Variants in DNAJA3 observed in about 807,000 individuals in gnomAD.
DNAJA3 encodes the protein DnaJ heat shock protein family (Hsp40) member A3.
Under a neutral mutation model 54.9 loss-of-function variants are expected in DNAJA3, and 29 were observed. The observed-to-expected ratio is 0.53, with a 90% CI of 0.39 to 0.72. The LOEUF (loss-of-function observed/expected upper bound fraction) is 0.72. Among genes scored for constraint, DNAJA3 ranks in the 30% least tolerant of loss-of-function variants. The pLI, the probability that DNAJA3 is intolerant of heterozygous loss-of-function variation, is 0.00. For synonymous variants in DNAJA3, 302 were observed against 251.4 expected, an observed-to-expected ratio of 1.20 and a Z score of -1.90; for missense variants, 708 against 639.4, an observed-to-expected ratio of 1.11 and a Z score of -1.16.
chr16:4,438,532 T>C (rs2056800157), intron 3 of DNAJA3, among the ~76,000 whole-genome samples: 2 of 152,058 alleles, frequency 1.3e-5, no homozygotes, highest in Non-Finnish European at 2.9e-5. Flanking sequence ...AGAATGTCAA[T>C]GTAATCAGAG....
chr16:4,442,294 A>C lies in DNAJA3; in HGVS notation c.657A>C (p.Gln219His), dbSNP rs554003684. Reference protein sequence around the residue: ...QEYFMELTFNQAAKGVNKEFT... With the variant: ...QEYFMELTFNHAAKGVNKEFT... ...ACTTCATGGAGTTGACATTCAATCA[A>C]GCTGCAAAGGGGGTCAACAAGGAGT... Residue 219 changes from glutamine to histidine, a missense_variant, in exon 5 of 12, where the codon CAA becomes CAC. Coordinates refer to ENST00000262375, the MANE Select transcript of DNAJA3 (RefSeq NM_005147.6). 3.1e-6 allele frequency: 5 copies of C among 1,598,846 alleles called. No individual in the cohort carries two copies. The South Asian group carries it at 3.4e-5, about 11-fold the overall frequency.
chr16:4,444,861 G>A, intron 7 of DNAJA3, 133 bp downstream of exon 7: 2 of 763,084 alleles, frequency 2.6e-6, no homozygotes, highest in Non-Finnish European at 4.3e-6. Context: ...GGGCACAGTG[G>A]CCACCTAGAT....
Position 4,455,589 on chromosome 16 carries a change from C to G in DNAJA3, c.*57C>G. 6.4e-7 allele frequency: 1 copy of G among 1,551,760 alleles called. No homozygotes were observed. Among genetic ancestry groups the G allele is most frequent in the Non-Finnish European group, 8.7e-7 (1 of 1,146,984 alleles). ...ACTAGGCCGGGAAGCAGCAGCCCCT[C>G]CAAGGGCCAGGGCACCTGGGAGACG... On this transcript the variant is annotated 3_prime_UTR_variant, in exon 12 of 12. Transcript: ENST00000262375.
In DNAJA3 at chr16:4,454,911, A is replaced by G. The variant is rs749193400; in HGVS notation, c.1440A>G (p.Ser480=). The change falls in exon 11 of 12, where the codon TCA becomes TCG. Residue 480 remains serine (S), a synonymous_variant. Transcript: ENST00000262375. The part of the protein sequence containing the change: ...FLSKLKKMFT[S] The stretch of plus-strand genomic sequence containing the variant: ...CCAAACTTAAGAAAATGTTTACCTC[A>G]TGATATCCCAGCCGAGGTAGGAAAA... The G allele has an allele frequency of 8.1e-6, 13 of 1,611,014 alleles. No homozygotes were observed. The highest frequency in any genetic ancestry group is 3.3e-5 in the Admixed American group (2 of 59,952).
rs1420937507 is a variant in DNAJA3, at chr16:4,425,881, G to A, written c.-1G>A. 8 of 1,530,136 alleles carry A rather than the reference G, an allele frequency of 5.2e-6. No individual in the cohort carries two copies. The highest frequency in any genetic ancestry group is 3.6e-5 in the South Asian group (3 of 83,202). The allele number at this position is 1,530,136 out of a possible 1,614,324, so 94.8% of individuals were successfully genotyped here. ...CGCAGGCGCAGAGTCCCCGGGCCAAGATGGCTGCGCGGTGCTCCACACGCT... is the reference window on the plus strand; with the variant it reads ...CGCAGGCGCAGAGTCCCCGGGCCAAAATGGCTGCGCGGTGCTCCACACGCT... On this transcript the variant is annotated 5_prime_UTR_variant, in exon 1 of 12. Coordinates refer to ENST00000262375, the MANE Select transcript of DNAJA3 (RefSeq NM_005147.6).
At chr16:4,449,018 A>G (rs2056942876) in intron 9 of DNAJA3, among the ~76,000 whole-genome samples, 170 bp downstream of exon 9, 5 of 151,886 alleles carry the variant, frequency 3.3e-5, no homozygotes, top group Admixed American at 1.3e-4. Flanking sequence ...TTTTTTTGAG[A>G]TGGAGTCTCG....
In DNAJA3 at chr16:4,437,499, G is replaced by T. The variant is rs755179467; in HGVS notation, c.429+14G>T. On this transcript the variant is annotated intron_variant, in intron 3 of 11. Transcript: ENST00000262375. Reference sequence around the variant, plus strand: ...GAAGCCTATGAGGTAATATGACTTCGGTGCATGCGGTCACTGCTGTTCAGC... The same window carrying T: ...GAAGCCTATGAGGTAATATGACTTCTGTGCATGCGGTCACTGCTGTTCAGC... 6.8e-6 allele frequency: 11 copies of T among 1,606,896 alleles called. No homozygotes were observed. The highest frequency in any genetic ancestry group is 8.5e-6 in the Non-Finnish European group (10 of 1,173,714).
chr16:4,425,990 G>T lies in DNAJA3; in HGVS notation c.109G>T (p.Ala37Ser), dbSNP rs1359912709. ...ARPPREGVVG[A>S]WLSRKLSVPA... ...GCCGCCCAGGGAGGGCGTGGTGGGG[G>T]CATGGCTGAGCCGCAAGCTGAGCGT... Residue 37 changes from alanine to serine, a missense_variant, in exon 1 of 12, where the codon GCA becomes TCA. Physicochemically the swap from Ala to Ser is moderately conservative, Grantham distance 99. Coordinates refer to ENST00000262375, the MANE Select transcript of DNAJA3 (RefSeq NM_005147.6). The T allele has an allele frequency of 6.2e-7, 1 of 1,600,882 alleles. No individual in the cohort carries two copies.
At chr16:4,448,181 C>T (rs765553188) in intron 8 of DNAJA3, among the ~76,000 whole-genome samples, 1 of 151,598 alleles carries the variant, frequency 6.6e-6, no homozygotes, top group Non-Finnish European at 1.5e-5. Flanking sequence ...CACGCGCCAC[C>T]ATGCCTGGCT....
rs1475626207 is a variant in DNAJA3, at chr16:4,446,984, C to G, written c.1095C>G (p.Ala365=). The G allele has an allele frequency of 1.9e-6, 3 of 1,614,150 alleles. No individual in the cohort carries two copies. The highest frequency in any genetic ancestry group is 2.2e-5 in the East Asian group (1 of 44,890). Residue 365 remains alanine, a synonymous_variant, in exon 8 of 12, where the codon GCC becomes GCG. Transcript: ENST00000262375. ...AQALLGGTAR[A]QGLYETINVT... is the part of the protein sequence containing the mutation. Reference sequence around the variant, plus strand: ...CTCTTCTTGGGGGTACAGCCAGAGCCCAGGGCCTGTACGAGACGATCAACG... The same window carrying G: ...CTCTTCTTGGGGGTACAGCCAGAGCGCAGGGCCTGTACGAGACGATCAACG...
At chr16:4,436,817 T>G (rs913087321) in intron 2 of DNAJA3, among the ~76,000 whole-genome samples, 4 of 152,250 alleles carry the variant, frequency 2.6e-5, no homozygotes, top group Admixed American at 1.3e-4. Flanking sequence ...ATAACAGGCA[T>G]GAGCCACTGC....
chr16:4,444,910 C>T (rs948153290), intron 7 of DNAJA3, among the ~76,000 whole-genome samples, 182 bp downstream of exon 7: 5 of 152,088 alleles, frequency 3.3e-5, no homozygotes, highest in African/African-American at 1.2e-4. Flanking sequence ...GATTCTGTGC[C>T]TTGTGTGGAG....
intron 1 of DNAJA3, among the ~76,000 whole-genome samples, chr16:4,429,112 C>T (rs751343637): frequency 7.8e-4 from 118 of 152,090 alleles, no homozygotes; most frequent in African/African-American, 2.7e-3. Flanking sequence ...ACGTCTCGAT[C>T]TCCTGACCTC....
At chr16:4,444,293 C>T (rs1278084527) in intron 6 of DNAJA3, among the ~76,000 whole-genome samples, 1 of 151,220 alleles carries the variant, frequency 6.6e-6, no homozygotes, top group East Asian at 1.9e-4. Context: ...GTGGAAAGTG[C>T]TGTGGGAGGT....
intron 1 of DNAJA3, among the ~76,000 whole-genome samples, chr16:4,428,668 T>C (rs2056653447): frequency 6.6e-6 from 1 of 152,166 alleles, no homozygotes. Context: ...TAACCTGCCA[T>C]GGGCAAGTTT....
intron 2 of DNAJA3, among the ~76,000 whole-genome samples, chr16:4,437,024 G>A (rs890264752): frequency 1.2e-4 from 19 of 152,144 alleles, no homozygotes; most frequent in African/African-American, 4.6e-4. Flanking sequence ...AGGCTGGAGT[G>A]CAGTGCCTCG....
intron 4 of DNAJA3, 38 bp downstream of exon 4, chr16:4,441,613 A>G: frequency 6.2e-7 from 1 of 1,606,276 alleles, no homozygotes; most frequent in Non-Finnish European, 8.5e-7. Context: ...CAAATTTTAG[A>G]CTAAGTATGG....
chr16:4,435,823 G>T (rs533128295), intron 2 of DNAJA3, among the ~76,000 whole-genome samples: 2 of 152,274 alleles, frequency 1.3e-5, no homozygotes, highest in African/African-American at 4.8e-5. Context: ...CATGTTTTCA[G>T]TTCTCTTGGA....
intron 9 of DNAJA3, among the ~76,000 whole-genome samples, 176 bp downstream of exon 9, chr16:4,449,024 T>A (rs1255007917): frequency 2.6e-5 from 4 of 151,976 alleles, no homozygotes; most frequent in Non-Finnish European, 4.4e-5. Context: ...TGAGATGGAG[T>A]CTCGCTGTGT....
Sources: gnomAD v4.1 joint callset for allele counts (sites outside exome capture counted in the v4.1 genomes callset) on GRCh38, gnomAD v4.1.1 for gene constraint, MANE v1.5 for transcripts, NCBI Gene and HGNC (gene_info 2026-07-23, HGNC 2026-07-21) for gene names.